The following FRK variants were observed in gnomAD, a reference collection of about 807,000 sequenced individuals.
FRK encodes fyn related Src family tyrosine kinase, also known as tyrosine-protein kinase FRK.
Under a neutral mutation model 56.4 loss-of-function variants are expected in FRK, and 51 were observed. That is an observed-to-expected ratio of 0.90 (90% CI 0.72 to 1.14). The LOEUF is 1.14. Among genes scored for constraint, FRK ranks in the 50% most tolerant of loss-of-function variants. FRK has a pLI of 0.00. For missense variants in FRK, 570 were observed against 601.4 expected (o/e 0.95, Z 0.55); for synonymous variants, 245 against 217.9 (o/e 1.12, Z -1.10).
At chr6:116,006,202 T>C (rs1017769126) in intron 1 of FRK, among the ~76,000 whole-genome samples, 2 of 152,148 alleles carry the variant, frequency 1.3e-5, no homozygotes, top group Non-Finnish European at 2.9e-5. Context: ...AAAATTGGCA[T>C]AGGATATGAT....
At chr6:116,055,666 T>TTA (rs755268184) in intron 1 of FRK, among the ~76,000 whole-genome samples, 18 of 152,202 alleles carry the variant, frequency 1.2e-4, no homozygotes, top group Admixed American at 3.9e-4. Flanking sequence ...TAAAGCCAAA[T>TTA]TATATATATA....
At position 115,941,493 on chromosome 6, in the gene FRK, A is replaced by T. The variant is rs1237496286; in HGVS notation, c.*921T>A. ...TGCACCCCAGAACTTAAACTATAAT[A>T]AAAAGTAAAAAATAAAAAATAAATA... On this transcript the variant is annotated 3_prime_UTR_variant, in exon 8 of 8. Coordinates refer to ENST00000606080, the MANE Select transcript of FRK (RefSeq NM_002031.3). 1.3e-5 allele frequency: 2 copies of T among 152,124 alleles called. No individual in the cohort carries two copies. Among genetic ancestry groups the T allele is most frequent in the Non-Finnish European group, 2.9e-5 (2 of 68,008 alleles). 9.4% of individuals were successfully genotyped at this position (152,124 alleles called of 1,614,324 possible). A position where few individuals can be genotyped will look rare whatever the true frequency, so the allele number is the denominator to read the frequency against.
At chr6:116,074,401 G>A in the FRK span, among the ~76,000 whole-genome samples, 7 of 152,220 alleles carry the variant, frequency 4.6e-5, no homozygotes, top group South Asian at 8.3e-4. Context: ...CCCTTCTTCT[G>A]GGTAATGAAA....
At chr6:115,982,898 C>T (rs1201219154) in intron 2 of FRK, among the ~76,000 whole-genome samples, 1 of 151,894 alleles carries the variant, frequency 6.6e-6, no homozygotes, top group Non-Finnish European at 1.5e-5. Context: ...ATGGTGAAAA[C>T]CCATCTCTAC....
At chr6:115,982,864 G>A (rs566397618) in intron 2 of FRK, among the ~76,000 whole-genome samples, 6 of 152,164 alleles carry the variant, frequency 3.9e-5, no homozygotes, top group African/African-American at 1.4e-4. Flanking sequence ...TTGAGGTTAG[G>A]AGTTTGAGAC....
intron 1 of FRK, among the ~76,000 whole-genome samples, chr6:116,024,302 A>G (rs893405244): frequency 1.3e-5 from 2 of 151,806 alleles, no homozygotes; most frequent in African/African-American, 2.4e-5. Context: ...TTTAGGGTAC[A>G]TGTGCACAAT....
chr6:116,011,024 AG>A (rs1455606938), intron 1 of FRK, among the ~76,000 whole-genome samples: 15 of 152,198 alleles, frequency 9.9e-5, no homozygotes, highest in Non-Finnish European at 2.2e-4. Context: ...TAATCCAAAA[AG>A]GGAAAGGAGA....
intron 1 of FRK, among the ~76,000 whole-genome samples, chr6:116,008,434 G>A (rs1775335541): frequency 6.6e-6 from 1 of 152,134 alleles, no homozygotes; most frequent in Non-Finnish European, 1.5e-5. Flanking sequence ...ACTTAGCTGA[G>A]CTCTGATCAG....
Position 115,936,957 on chromosome 6 carries a change from A to T in FRK, c.*5457T>A, listed in dbSNP as rs1276625438. ...CCTAGCAAGACAGGTCAACATTCAA[A>T]TTAAGGAAATACAGAGAACGCCACA... On this transcript the variant is annotated 3_prime_UTR_variant, in exon 8 of 8. Coordinates refer to ENST00000606080, the MANE Select transcript of FRK (RefSeq NM_002031.3). 1 of 152,224 alleles carries T rather than the reference A, an allele frequency of 6.6e-6. No homozygotes were observed. The allele number at this position is 152,224 out of a possible 1,614,324, so 9.4% of individuals were successfully genotyped here.
chr6:116,011,795 G>A (rs899569902), intron 1 of FRK, among the ~76,000 whole-genome samples: 2 of 152,000 alleles, frequency 1.3e-5, no homozygotes, highest in South Asian at 2.1e-4. Flanking sequence ...ATTATGGTTC[G>A]GTATGACTCA....
At chr6:116,094,049 G>T in the FRK span, among the ~76,000 whole-genome samples, 6 of 152,192 alleles carry the variant, frequency 3.9e-5, no homozygotes, top group Admixed American at 1.3e-4. Context: ...ACAAACCTTG[G>T]TGTTTCAGAA....
chr6:115,952,634 G>A (rs1276825086), intron 5 of FRK, among the ~76,000 whole-genome samples: 2 of 151,350 alleles, frequency 1.3e-5, no homozygotes, highest in South Asian at 2.1e-4. Context: ...TATGTTTATT[G>A]CGGCACTATT....
intron 1 of FRK, among the ~76,000 whole-genome samples, chr6:116,024,415 C>T (rs571627217): frequency 6.6e-6 from 1 of 150,566 alleles, no homozygotes; most frequent in Admixed American, 6.6e-5. Flanking sequence ...TCCCTCCCCC[C>T]TCCCCACACC....
the FRK span, among the ~76,000 whole-genome samples, chr6:116,070,035 T>A: frequency 6.6e-6 from 1 of 151,952 alleles, no homozygotes; most frequent in African/African-American, 2.4e-5. Flanking sequence ...TTTGAAAGCA[T>A]GATCATCTAA....
At chr6:115,969,149 G>A (rs1339610642) in intron 2 of FRK, among the ~76,000 whole-genome samples, 1 of 152,156 alleles carries the variant, frequency 6.6e-6, no homozygotes, top group African/African-American at 2.4e-5. Flanking sequence ...TCCTGGTGCA[G>A]AGACCAGGGA....
chr6:116,091,966 T>C, the FRK span, among the ~76,000 whole-genome samples: 1 of 152,148 alleles, frequency 6.6e-6, no homozygotes, highest in Non-Finnish European at 1.5e-5. Flanking sequence ...CTATCCTATC[T>C]AGCCTGACCC....
chr6:116,046,927 CT>C (rs1776986747), intron 1 of FRK, among the ~76,000 whole-genome samples: 1 of 151,864 alleles, frequency 6.6e-6, no homozygotes, highest in Non-Finnish European at 1.5e-5. Flanking sequence ...TCAAGTACCC[CT>C]GACTCAGCAT....
intron 2 of FRK, among the ~76,000 whole-genome samples, chr6:115,970,188 A>C (rs1773749204): frequency 6.6e-6 from 1 of 152,108 alleles, no homozygotes; most frequent in East Asian, 1.9e-4. Context: ...AAAATGAAAA[A>C]AGTATTAACA....
chr6:116,025,933 G>A (rs1776071889), intron 1 of FRK, among the ~76,000 whole-genome samples: 1 of 152,124 alleles, frequency 6.6e-6, no homozygotes, highest in South Asian at 2.1e-4. Flanking sequence ...GTTAAACTGA[G>A]ATGAGGAAAC....
Sources: allele counts gnomAD v4.1 joint callset (sites outside exome capture counted in the v4.1 genomes callset), GRCh38; gene constraint gnomAD v4.1.1; transcripts MANE v1.5; gene names NCBI Gene and HGNC (gene_info 2026-07-23, HGNC 2026-07-21).